SCP2: variants seen among roughly 807,000 people sequenced by gnomAD.
SCP2 encodes sterol carrier protein 2.
Under a neutral mutation model 71.4 loss-of-function variants are expected in SCP2, and 48 were observed. That is an observed-to-expected ratio of 0.67 (90% confidence interval 0.53 to 0.86). The LOEUF is 0.86. Among genes scored for constraint, SCP2 ranks in the 40% least tolerant of loss-of-function variants. SCP2 has a pLI of 0.00. For missense variants in SCP2, 560 were observed against 655.6 expected (o/e 0.85, Z 1.59); for synonymous variants, 220 against 218.1 (o/e 1.01, Z -0.08).
At chr1:53,007,400 A>C (rs1459661499) in intron 11 of SCP2, among the ~76,000 whole-genome samples, 3 of 152,222 alleles carry the variant, frequency 2.0e-5, no homozygotes, top group Non-Finnish European at 4.4e-5. Context: ...CAGCAAATGT[A>C]AAAGAACAGA....
At chr1:53,037,975 A>AGATC (rs1307528224) in intron 13 of SCP2, among the ~76,000 whole-genome samples, 2,605 of 143,512 alleles carry the variant, frequency 0.018, 94 homozygotes, top group African/African-American at 0.062. Context: ...ACACACACAC[A>AGATC]CACACACACA....
At chr1:52,954,577 T>C (rs558040418) in intron 4 of SCP2, among the ~76,000 whole-genome samples, 163 bp from the exon 5 acceptor site, 14 of 152,296 alleles carry the variant, frequency 9.2e-5, no homozygotes, top group African/African-American at 3.4e-4. Context: ...CTTGACCTCC[T>C]GACCTCAAGC....
chr1:52,974,605 A>G (rs1279979728), intron 6 of SCP2, among the ~76,000 whole-genome samples, 164 bp from the exon 7 acceptor site: 1 of 152,234 alleles, frequency 6.6e-6, no homozygotes, highest in Non-Finnish European at 1.5e-5. Context: ...TTAATTATAA[A>G]TAAAAATTTT....
At chr1:53,040,344 A>G (rs1191250214) in intron 14 of SCP2, among the ~76,000 whole-genome samples, 1 of 152,108 alleles carries the variant, frequency 6.6e-6, no homozygotes, top group African/African-American at 2.4e-5. Flanking sequence ...CTCCAGTAAC[A>G]CTGACTTTTT....
At chr1:52,965,094 CACT>C (rs1223886880) in intron 6 of SCP2, among the ~76,000 whole-genome samples, 1 of 152,136 alleles carries the variant, frequency 6.6e-6, no homozygotes, top group Non-Finnish European at 1.5e-5. Flanking sequence ...CTTTCATAGT[CACT>C]ACAGTGATAA....
At chr1:52,979,411 A>T (rs1658281286) in intron 9 of SCP2, among the ~76,000 whole-genome samples, 1 of 150,622 alleles carries the variant, frequency 6.6e-6, no homozygotes, top group Non-Finnish European at 1.5e-5. Context: ...GAACTCCTGG[A>T]CTCAAGCGAT....
chr1:52,942,687 T>G (rs1654370258), intron 2 of SCP2, among the ~76,000 whole-genome samples: 1 of 150,206 alleles, frequency 6.7e-6, no homozygotes, highest in African/African-American at 2.5e-5. Context: ...CCAGAAAAAT[T>G]TAACAGGTTT....
chr1:52,981,549 G>T lies in SCP2; in HGVS notation c.973+1006G>T, dbSNP rs573607049. Among the ~76,000 whole-genome samples, 5 of 150,910 alleles carry T rather than the reference G, an allele frequency of 3.3e-5. No homozygotes were observed. The South Asian group carries it at 1.0e-3, about 32-fold the overall frequency. ...CCTCCTGGGTTCAAGCAGTTCTTGT[G>T]CCTCAGCCTCCCGAGTATTACAGGT... On this transcript the variant is annotated intron_variant, in intron 10 of 15. Coordinates refer to ENST00000371514, the MANE Select transcript of SCP2 (RefSeq NM_002979.5).
chr1:53,016,477 T>G (rs1374376901), intron 12 of SCP2, among the ~76,000 whole-genome samples: 5 of 152,040 alleles, frequency 3.3e-5, no homozygotes, highest in Admixed American at 3.3e-4. Flanking sequence ...TGAGACAGAG[T>G]CTTGTATGGT....
intron 11 of SCP2, chr1:52,994,602 C>T: frequency 2.7e-6 from 1 of 368,840 alleles, no homozygotes; most frequent in Non-Finnish European, 5.2e-6. Flanking sequence ...TTGCACCTTG[C>T]TGCTCTAGCC....
At chr1:53,026,499 A>G (rs766927802) in intron 12 of SCP2, among the ~76,000 whole-genome samples, 2 of 152,224 alleles carry the variant, frequency 1.3e-5, no homozygotes, top group Non-Finnish European at 2.9e-5. Flanking sequence ...GCATGTAGCA[A>G]GAAGTCATTA....
intron 5 of SCP2, among the ~76,000 whole-genome samples, chr1:52,958,935 G>A (rs993308103): frequency 1.3e-5 from 2 of 152,044 alleles, no homozygotes; most frequent in Non-Finnish European, 2.9e-5. Flanking sequence ...CCATTGTGCA[G>A]GTTGGTCTTG....
rs559168963 is a variant in SCP2, at chr1:52,934,674, G to A, written c.70-7122G>A. Among the ~76,000 whole-genome samples the A allele has an allele frequency of 3.9e-5, 5 of 127,840 alleles. No homozygotes were observed. In the South Asian group the frequency reaches 1.2e-3, roughly 32 times the overall value. 83.9% of individuals were successfully genotyped at this position (127,840 alleles called of 152,430 possible). A position where few individuals can be genotyped will look rare whatever the true frequency, so the allele number is the denominator to read the frequency against. ...GTCCCCCAGGCTGGAGTGCAGTGGT[G>A]CGATCTTGGCTCACTGCAAGCTCCA... On this transcript the variant is annotated intron_variant, in intron 1 of 15. Coordinates refer to ENST00000371514, the MANE Select transcript of SCP2 (RefSeq NM_002979.5).
At chr1:52,982,433 G>A (rs762581823) in intron 10 of SCP2, among the ~76,000 whole-genome samples, 6 of 152,086 alleles carry the variant, frequency 3.9e-5, no homozygotes, top group Non-Finnish European at 8.8e-5. Flanking sequence ...AGCCGGGCAT[G>A]GTGTTGGGCA....
intron 10 of SCP2, among the ~76,000 whole-genome samples, chr1:52,983,823 A>T (rs2150179460): frequency 6.6e-6 from 1 of 152,188 alleles, no homozygotes; most frequent in Admixed American, 6.5e-5. Context: ...TTTTACCTTG[A>T]GAGTATTGGT....
At chr1:53,035,900 G>T (rs1662892510) in intron 13 of SCP2, among the ~76,000 whole-genome samples, 1 of 151,676 alleles carries the variant, frequency 6.6e-6, no homozygotes, top group Non-Finnish European at 1.5e-5. Flanking sequence ...GGCGCCTGTA[G>T]TCCCAGCTAC....
rs1364583280 is a variant in SCP2 at position 52,948,023 on chromosome 1, G to A, written c.142G>A (p.Ala48Thr). 6 of 1,612,710 alleles carry A rather than the reference G, an allele frequency of 3.7e-6. No individual in the cohort carries two copies. The highest frequency in any genetic ancestry group is 5.1e-6 in the Non-Finnish European group (6 of 1,178,932). The change falls in exon 3 of 16, where the codon GCT becomes ACT. Residue 48 changes from alanine to threonine, a missense_variant. Coordinates refer to ENST00000371514, the MANE Select transcript of SCP2 (RefSeq NM_002979.5). ...LAEEAGKKAL[A>T]DAQIPYSAVD... ...CGTTTTTATAGGCAAGAAGGCTTTA[G>A]CTGATGCACAGATCCCTTATTCAGC...
At chr1:52,939,648 C>A (rs996107440) in intron 1 of SCP2, among the ~76,000 whole-genome samples, 1 of 152,134 alleles carries the variant, frequency 6.6e-6, no homozygotes, top group Non-Finnish European at 1.5e-5. Context: ...ATTGCTAATT[C>A]ATATGTGTAT....
At chr1:52,994,304 C>A in intron 11 of SCP2, 8 of 995,446 alleles carry the variant, frequency 8.0e-6, no homozygotes, top group Non-Finnish European at 9.6e-6. Flanking sequence ...AGCTTCCTTA[C>A]GCATATAGGA....
Sources: allele counts gnomAD v4.1 joint callset (sites outside exome capture counted in the v4.1 genomes callset), GRCh38; gene constraint gnomAD v4.1.1; transcripts MANE v1.5; gene names NCBI Gene and HGNC (gene_info 2026-07-23, HGNC 2026-07-21).